TBC1D30: variants seen among roughly 807,000 people sequenced by gnomAD.
TBC1D30 encodes the protein TBC1 domain family member 30, also known as TBC1 domain family, member 30.
In TBC1D30, 31 loss-of-function variants were observed where a neutral mutation model predicts 63.2. That is an observed-to-expected ratio of 0.49 (90% CI 0.37 to 0.66). The LOEUF is 0.66. Among genes scored for constraint, TBC1D30 ranks in the 30% least tolerant of loss-of-function variants. TBC1D30 has a pLI of 0.00. For missense variants in TBC1D30, 810 were observed against 953.6 expected (o/e 0.85, Z 1.98); for synonymous variants, 307 against 361.5 (o/e 0.85, Z 1.71).
At chr12:64,853,756 C>T (rs1436967796) in intron 8 of TBC1D30, among the ~76,000 whole-genome samples, 1 of 152,196 alleles carries the variant, frequency 6.6e-6, no homozygotes, top group Non-Finnish European at 1.5e-5. Context: ...AGTTTCCCAA[C>T]CCCTTGTGTT....
At chr12:64,870,505 G>C in intron 10 of TBC1D30, 97 bp from the exon 11 acceptor site, 1 of 966,638 alleles carries the variant, frequency 1.0e-6, no homozygotes, top group South Asian at 1.5e-5. Flanking sequence ...ATTTCATGGA[G>C]GTTAAGATAC....
chr12:64,791,768 G>T (rs1407813055), intron 2 of TBC1D30, among the ~76,000 whole-genome samples: 1 of 151,832 alleles, frequency 6.6e-6, no homozygotes, highest in East Asian at 1.9e-4. Flanking sequence ...AGGGGGTGGT[G>T]GGGGAAGGTC....
chr12:64,814,664 G>C (rs1025942157), intron 2 of TBC1D30, among the ~76,000 whole-genome samples: 1 of 152,128 alleles, frequency 6.6e-6, no homozygotes, highest in Non-Finnish European at 1.5e-5. Context: ...TTGTAAGCAC[G>C]GACTAAAGAC....
At chr12:64,839,199 A>G (rs1268859049) in intron 7 of TBC1D30, among the ~76,000 whole-genome samples, 2 of 152,226 alleles carry the variant, frequency 1.3e-5, no homozygotes, top group African/African-American at 4.8e-5. Flanking sequence ...TGAATTTGTT[A>G]GTTAATATCA....
At chr12:64,837,669 C>T (rs1195328242) in intron 6 of TBC1D30, among the ~76,000 whole-genome samples, 5 of 152,152 alleles carry the variant, frequency 3.3e-5, no homozygotes, top group South Asian at 2.1e-4. Context: ...TAGCAGGCCA[C>T]GGACCCAGAG....
intron 2 of TBC1D30, among the ~76,000 whole-genome samples, chr12:64,818,060 C>CA (rs60136357): frequency 0.057 from 7,749 of 137,002 alleles, 449 homozygotes; most frequent in African/African-American, 0.16. Context: ...GAGACTCTAC[C>CA]AAAAAAAAAA....
chr12:64,832,004 T>A (rs188777556), intron 4 of TBC1D30, 115 bp from the exon 5 acceptor site: 66 of 1,077,542 alleles, frequency 6.1e-5, no homozygotes, highest in African/African-American at 5.3e-4. Flanking sequence ...ATACACATTT[T>A]AAAAAAATTT....
chr12:64,801,801 G>A (rs1054357233), intron 2 of TBC1D30, among the ~76,000 whole-genome samples: 2 of 152,096 alleles, frequency 1.3e-5, no homozygotes, highest in Non-Finnish European at 2.9e-5. Flanking sequence ...TCAGGCAGCA[G>A]GAGAATAGCA....
At chr12:64,828,112 A>C (rs995673249) in intron 2 of TBC1D30, among the ~76,000 whole-genome samples, 1 of 152,204 alleles carries the variant, frequency 6.6e-6, no homozygotes, top group Non-Finnish European at 1.5e-5. Flanking sequence ...CATGTGTGAA[A>C]AATTTTAAAA....
intron 1 of TBC1D30, among the ~76,000 whole-genome samples, chr12:64,774,984 C>T (rs1186318358): frequency 6.6e-6 from 1 of 151,702 alleles, no homozygotes; most frequent in African/African-American, 2.4e-5. Flanking sequence ...TCCCAACTAC[C>T]TGGGAGGCTG....
chr12:64,784,183 G>A (rs1235846465), intron 1 of TBC1D30, among the ~76,000 whole-genome samples: 1 of 151,760 alleles, frequency 6.6e-6, no homozygotes, highest in African/African-American at 2.4e-5. Context: ...TACTTAAAGC[G>A]TTATTTATGT....
chr12:64,787,894 G>T (rs1871688748), intron 2 of TBC1D30, among the ~76,000 whole-genome samples: 1 of 152,028 alleles, frequency 6.6e-6, no homozygotes, highest in South Asian at 2.1e-4. Context: ...AAATTAGCTG[G>T]GTGTGGTGAC....
intron 8 of TBC1D30, among the ~76,000 whole-genome samples, chr12:64,853,250 C>T (rs1167229006): frequency 3.3e-5 from 5 of 152,174 alleles, no homozygotes; most frequent in Non-Finnish European, 7.3e-5. Context: ...GTGGTGGGCT[C>T]CTCCCAGTTC....
chr12:64,810,073 C>T (rs1873117926), intron 2 of TBC1D30, among the ~76,000 whole-genome samples: 1 of 152,140 alleles, frequency 6.6e-6, no homozygotes. Flanking sequence ...CCATATGGCT[C>T]TCCCTCCACC....
chr12:64,772,584 C>T (rs1326626723), intron 1 of TBC1D30, among the ~76,000 whole-genome samples: 9 of 152,030 alleles, frequency 5.9e-5, no homozygotes, highest in East Asian at 1.9e-4. Flanking sequence ...CGCCTGCCTC[C>T]GTGCCTAGCT....
chr12:64,772,611 G>A (rs1180095114), intron 1 of TBC1D30, among the ~76,000 whole-genome samples: 7 of 152,014 alleles, frequency 4.6e-5, no homozygotes, highest in Non-Finnish European at 4.4e-5. Context: ...TGTATTTTTA[G>A]TAGAGATGGG....
chr12:64,783,098 A>G (rs1871374636), intron 1 of TBC1D30, among the ~76,000 whole-genome samples: 1 of 152,180 alleles, frequency 6.6e-6, no homozygotes, highest in African/African-American at 2.4e-5. Flanking sequence ...AATGTCATAC[A>G]ATACTGATAG....
At chr12:64,775,239 G>A (rs1397467576) in intron 1 of TBC1D30, among the ~76,000 whole-genome samples, 1 of 151,956 alleles carries the variant, frequency 6.6e-6, no homozygotes, top group African/African-American at 2.4e-5. Context: ...AAAATAACCA[G>A]TTAACAACAT....
intron 5 of TBC1D30, 30 bp from the exon 6 acceptor site, chr12:64,836,460 C>A (rs1186251921): frequency 4.7e-6 from 7 of 1,503,078 alleles, no homozygotes; most frequent in Non-Finnish European, 6.2e-6. Flanking sequence ...TTTTACAAAG[C>A]AGTCTTAAGC....
Sources: allele counts gnomAD v4.1 joint callset (sites outside exome capture counted in the v4.1 genomes callset), GRCh38; gene constraint gnomAD v4.1.1; transcripts MANE v1.5; gene names NCBI Gene and HGNC (gene_info 2026-07-23, HGNC 2026-07-21).